IFNAR1: variants seen among roughly 807,000 people sequenced by gnomAD.
The protein encoded by IFNAR1 is interferon alpha and beta receptor subunit 1.
In IFNAR1, 47 loss-of-function variants were observed where a neutral mutation model predicts 62.1. The ratio of observed to expected loss-of-function variants is 0.76; its 90% CI spans 0.60 to 0.97. The LOEUF is 0.97. Among genes scored for constraint, IFNAR1 ranks in the 50% least tolerant of loss-of-function variants. IFNAR1 has a pLI of 0.00. For synonymous variants in IFNAR1, 219 were observed against 226.9 expected (o/e 0.97, Z 0.31); for missense variants, 638 against 654.5 (o/e 0.97, Z 0.27).
chr21:33,343,643 G>C lies in IFNAR1; in HGVS notation c.640G>C (p.Val214Leu). 1 of 1,609,336 alleles carries C rather than the reference G, an allele frequency of 6.2e-7. No homozygotes were observed. Among genetic ancestry groups the C allele is most frequent in the Non-Finnish European group, 8.5e-7 (1 of 1,176,036 alleles). The part of the protein sequence containing the change: ...AALLTSWKIG[V>L]YSPVHCIKTT... ...ACTACTTACGTCATGGAAAATTGGTGTCTATAGTCCAGTACATTGTATAAA... is the reference window on the plus strand; with the variant it reads ...ACTACTTACGTCATGGAAAATTGGTCTCTATAGTCCAGTACATTGTATAAA... The change falls in exon 5 of 11, where the codon GTC becomes CTC. Residue 214 changes from valine to leucine, a missense_variant. Physicochemically the swap from Val to Leu is conservative, Grantham distance 32. Coordinates refer to ENST00000270139, the MANE Select transcript of IFNAR1 (RefSeq NM_000629.3).
chr21:33,349,246 C>G lies in IFNAR1; in HGVS notation c.944C>G (p.Thr315Arg), dbSNP rs2123261818. The G allele has an allele frequency of 6.2e-7, 1 of 1,613,052 alleles. No individual in the cohort carries two copies. Among genetic ancestry groups the G allele is most frequent in the East Asian group, 2.2e-5 (1 of 44,830 alleles). The change falls in exon 7 of 11, where the codon ACA (threonine) becomes AGA (arginine). Residue 315 changes from threonine to arginine, a missense_variant. Physicochemically the swap from Thr to Arg is moderately conservative, Grantham distance 71. Transcript: ENST00000270139. ...GTACAAGCATCTGATGGAAATAACA[C>G]ATCTTTTTGGTCTGAAGAGATAAAG... ...LRVQASDGNN[T>R]SFWSEEIKFD...
At position 33,341,073 on chromosome 21, in the gene IFNAR1, T is replaced by A. The variant is rs752178029; in HGVS notation, c.275T>A (p.Leu92His). ...AGTACCAAATGCAACTTTTCTTCAC[T>A]CAAGCTGAATGTTTATGAAGAAATT... ...ITSTKCNFSS[L>H]KLNVYEEIKL... The change falls in exon 3 of 11, where the codon CTC becomes CAC. Residue 92 changes from leucine (L) to histidine (H), a missense_variant. Physicochemically the swap from Leu to His is moderately conservative, Grantham distance 99. Coordinates refer to ENST00000270139, the MANE Select transcript of IFNAR1 (RefSeq NM_000629.3). 1 of 1,612,292 alleles carries A rather than the reference T, an allele frequency of 6.2e-7. No homozygotes were observed. Among genetic ancestry groups the A allele is most frequent in the South Asian group, 1.1e-5 (1 of 91,040 alleles).
chr21:33,331,396 C>T (rs888217437), intron 1 of IFNAR1, among the ~76,000 whole-genome samples: 2 of 152,178 alleles, frequency 1.3e-5, no homozygotes, highest in Non-Finnish European at 2.9e-5. Context: ...CCTGGCCAAA[C>T]CGAGCAGCTA....
intron 1 of IFNAR1, among the ~76,000 whole-genome samples, chr21:33,326,978 G>C (rs2083132920): frequency 6.6e-6 from 1 of 152,136 alleles, no homozygotes. Context: ...TAGCATCCCA[G>C]TGCAGGAGTC....
intron 1 of IFNAR1, among the ~76,000 whole-genome samples, chr21:33,326,384 T>C (rs555072350): frequency 6.6e-6 from 1 of 152,182 alleles, no homozygotes; most frequent in East Asian, 1.9e-4. Context: ...TTTGTATTTC[T>C]AGTAGAGATG....
chr21:33,332,185 G>A (rs1182732973), intron 1 of IFNAR1, among the ~76,000 whole-genome samples: 1 of 152,184 alleles, frequency 6.6e-6, no homozygotes, highest in Non-Finnish European at 1.5e-5. Context: ...AGAATAGGAG[G>A]ATCCTAAAAG....
At position 33,353,645 on chromosome 21, in the gene IFNAR1, C is replaced by G. The variant is rs769186050; in HGVS notation, c.1302C>G (p.Thr434=). ...AVCEKTKPGN[T]SKIWLIVGIC... ...TCACGTATATCTTTTTAGGAAATAC[C>G]TCTAAAATTTGGCTTATAGTTGGAA... The change falls in exon 10 of 11, where the codon ACC becomes ACG. Residue 434 remains threonine, a synonymous_variant. Coordinates refer to ENST00000270139, the MANE Select transcript of IFNAR1 (RefSeq NM_000629.3). 6.5e-7 allele frequency: 1 copy of G among 1,543,514 alleles called. No individual in the cohort carries two copies. The highest frequency in any genetic ancestry group is 1.2e-5 in the South Asian group (1 of 83,264).
chr21:33,333,281 G>A (rs1346076357), intron 1 of IFNAR1, among the ~76,000 whole-genome samples: 1 of 152,146 alleles, frequency 6.6e-6, no homozygotes, highest in African/African-American at 2.4e-5. Context: ...TCCCAGACAA[G>A]CAAAAACTGA....
rs750137269 is a variant in IFNAR1 at position 33,355,401 on chromosome 21, G to A, written c.1526G>A (p.Ser509Asn). The A allele has an allele frequency of 6.2e-7, 1 of 1,601,730 alleles. No individual in the cohort carries two copies. The highest frequency in any genetic ancestry group is 8.5e-7 in the Non-Finnish European group (1 of 1,172,556). ...IEKCFIIENI[S>N]TIATVEETNQ... ...AAATGTTTCATAATTGAAAATATAA[G>A]CACAATTGCTACAGTAGAAGAAACT... The change falls in exon 11 of 11, where the codon AGC (serine) becomes AAC (asparagine). Residue 509 changes from serine to asparagine, a missense_variant. Physicochemically the swap from Ser to Asn is conservative, Grantham distance 46. Transcript: ENST00000270139.
intron 1 of IFNAR1, among the ~76,000 whole-genome samples, chr21:33,333,303 A>G (rs1289135046): frequency 2.0e-5 from 3 of 152,234 alleles, no homozygotes; most frequent in Non-Finnish European, 4.4e-5. Context: ...GGAATTCATC[A>G]CTGCTAGACC....
intron 2 of IFNAR1, among the ~76,000 whole-genome samples, chr21:33,336,743 T>A (rs931370167): frequency 1.0e-4 from 14 of 139,738 alleles, no homozygotes; most frequent in African/African-American, 3.7e-4. Context: ...TAATTTTAGG[T>A]ACACTTTTTT....
At chr21:33,342,721 G>A (rs960538169) in intron 3 of IFNAR1, among the ~76,000 whole-genome samples, 3 of 151,386 alleles carry the variant, frequency 2.0e-5, no homozygotes, top group Admixed American at 2.0e-4. Flanking sequence ...GCCGGGCATG[G>A]TGGCGGGAGC....
chr21:33,353,430 T>C (rs1376186561), intron 9 of IFNAR1, among the ~76,000 whole-genome samples: 1 of 152,226 alleles, frequency 6.6e-6, no homozygotes, highest in Non-Finnish European at 1.5e-5. Context: ...CCTGAGGATC[T>C]CTTACTTCAG....
At chr21:33,354,841 C>T (rs1418014755) in intron 10 of IFNAR1, among the ~76,000 whole-genome samples, 2 of 152,038 alleles carry the variant, frequency 1.3e-5, no homozygotes, top group Admixed American at 1.3e-4. Flanking sequence ...ACTATTATAC[C>T]CCTGAGTTTT....
chr21:33,339,451 A>T (rs2083274140), intron 2 of IFNAR1, among the ~76,000 whole-genome samples: 1 of 152,214 alleles, frequency 6.6e-6, no homozygotes. Flanking sequence ...CAGCAACAAA[A>T]TTATTTTGGT....
At chr21:33,336,095 C>T (rs978330240) in intron 2 of IFNAR1, among the ~76,000 whole-genome samples, 1 of 142,540 alleles carries the variant, frequency 7.0e-6, no homozygotes, top group African/African-American at 2.6e-5. Flanking sequence ...CACAACAGGC[C>T]CCAGAGTGTG....
intron 1 of IFNAR1, chr21:33,334,499 G>A (rs1243514178): frequency 3.3e-5 from 12 of 364,892 alleles, no homozygotes; most frequent in South Asian, 2.5e-4. Context: ...AAAAGCATAA[G>A]GAAATTAAGA....
At chr21:33,353,568 C>T (rs1252349649) in intron 9 of IFNAR1, 70 bp from the exon 10 acceptor site, 10 of 805,534 alleles carry the variant, frequency 1.2e-5, no homozygotes, top group African/African-American at 5.4e-5. Context: ...TAGTCTTTCA[C>T]ACAGCTGTCA....
At chr21:33,334,145 A>G (rs1223980189) in intron 1 of IFNAR1, among the ~76,000 whole-genome samples, 1 of 152,216 alleles carries the variant, frequency 6.6e-6, no homozygotes, top group African/African-American at 2.4e-5. Flanking sequence ...TTCTAAACAT[A>G]CATGTACCCA....
Sources: gnomAD v4.1 joint callset for allele counts (sites outside exome capture counted in the v4.1 genomes callset) on GRCh38, gnomAD v4.1.1 for gene constraint, MANE v1.5 for transcripts, NCBI Gene and HGNC (gene_info 2026-07-23, HGNC 2026-07-21) for gene names.